The following TMEM132D variants were observed in gnomAD, a reference collection of about 807,000 sequenced individuals.
TMEM132D encodes transmembrane protein 132D.
A neutral mutation model predicts 62.3 loss-of-function variants in TMEM132D; 21 were observed. The ratio of observed to expected loss-of-function variants is 0.34; its 90% CI spans 0.24 to 0.49. The LOEUF is 0.49. Ranked by LOEUF, TMEM132D falls within the 20% of genes least tolerant of loss-of-function variation. TMEM132D has a pLI of 0.99. For missense variants in TMEM132D, 1,346 were observed against 1,402.8 expected (o/e 0.96, Z 0.65); for synonymous variants, 621 against 575.6 (o/e 1.08, Z -1.13).
intron 1 of TMEM132D, among the ~76,000 whole-genome samples, chr12:129,797,830 G>T (rs1360903361): frequency 6.6e-6 from 1 of 150,824 alleles, no homozygotes; most frequent in Non-Finnish European, 1.5e-5. Flanking sequence ...TGAAGCTGGA[G>T]ACAGGAGATT....
chr12:129,482,768 C>CT (rs68150613), intron 3 of TMEM132D, among the ~76,000 whole-genome samples: 2,497 of 146,914 alleles, frequency 0.017, 64 homozygotes, highest in African/African-American at 0.054. Flanking sequence ...AATACAACAT[C>CT]TTTTTTTTTT....
chr12:129,373,027 C>G (rs1251671446), intron 3 of TMEM132D, among the ~76,000 whole-genome samples: 1 of 151,962 alleles, frequency 6.6e-6, no homozygotes, highest in Admixed American at 6.6e-5. Context: ...ACCCAGGAAC[C>G]CACTTGTTGT....
At chr12:129,466,222 C>T (rs1301011257) in intron 3 of TMEM132D, among the ~76,000 whole-genome samples, 1 of 149,186 alleles carries the variant, frequency 6.7e-6, no homozygotes, top group East Asian at 2.0e-4. Context: ...TCATGCAGGT[C>T]ACTAGAAAGT....
chr12:129,902,935 T>G (rs1485233456), intron 1 of TMEM132D, among the ~76,000 whole-genome samples: 1 of 152,108 alleles, frequency 6.6e-6, no homozygotes, highest in Non-Finnish European at 1.5e-5. Context: ...GAGGCCACCT[T>G]TCCTCTCAAG....
intron 5 of TMEM132D, among the ~76,000 whole-genome samples, chr12:129,102,645 G>A (rs1219372884): frequency 1.3e-5 from 2 of 152,170 alleles, no homozygotes; most frequent in African/African-American, 4.8e-5. Flanking sequence ...CTGCTACCAG[G>A]TGTTGAATTT....
At chr12:129,128,587 G>T (rs2135523786) in intron 5 of TMEM132D, among the ~76,000 whole-genome samples, 1 of 152,326 alleles carries the variant, frequency 6.6e-6, no homozygotes, top group Middle Eastern at 3.4e-3. Flanking sequence ...TACAATTCAA[G>T]ATGAGATTTA....
intron 4 of TMEM132D, among the ~76,000 whole-genome samples, chr12:129,258,816 C>T (rs1413709645): frequency 2.0e-5 from 3 of 152,152 alleles, no homozygotes; most frequent in Admixed American, 1.3e-4. Context: ...ACAAATAAAT[C>T]TGCTAGATGA....
At chr12:129,425,454 C>T (rs1372055220) in intron 3 of TMEM132D, among the ~76,000 whole-genome samples, 1 of 149,368 alleles carries the variant, frequency 6.7e-6, no homozygotes, top group East Asian at 2.0e-4. Context: ...ATAGTAGAAA[C>T]ATTTACAGTC....
At chr12:129,771,017 C>A (rs1250877871) in intron 1 of TMEM132D, among the ~76,000 whole-genome samples, 2 of 152,188 alleles carry the variant, frequency 1.3e-5, no homozygotes, top group African/African-American at 2.4e-5. Flanking sequence ...GAGGACATGA[C>A]CCCTTCTTGC....
intron 1 of TMEM132D, among the ~76,000 whole-genome samples, chr12:129,731,335 AGTATCTCAG>A (rs751496011): frequency 1.3e-5 from 2 of 152,156 alleles, no homozygotes; most frequent in Non-Finnish European, 1.5e-5. Flanking sequence ...AAAAATGCAT[AGTATCTCAG>A]GTATCTCAAA....
intron 3 of TMEM132D, among the ~76,000 whole-genome samples, chr12:129,387,179 AC>A (rs1407175275): frequency 1.3e-5 from 2 of 151,096 alleles, no homozygotes; most frequent in African/African-American, 4.9e-5. Context: ...CAACACTGAC[AC>A]TAACTCCAAC....
intron 1 of TMEM132D, among the ~76,000 whole-genome samples, chr12:129,891,807 A>G (rs1874932896): frequency 6.6e-6 from 1 of 152,244 alleles, no homozygotes; most frequent in South Asian, 2.1e-4. Flanking sequence ...GGAAATACTT[A>G]TGTAAACACA....
chr12:129,766,185 C>T (rs1870549533), intron 1 of TMEM132D, among the ~76,000 whole-genome samples: 1 of 152,170 alleles, frequency 6.6e-6, no homozygotes, highest in South Asian at 2.1e-4. Flanking sequence ...AAGCTCCCTG[C>T]TGACCCATGA....
chr12:129,316,944 T>C (rs1868507538), intron 4 of TMEM132D, among the ~76,000 whole-genome samples: 1 of 152,166 alleles, frequency 6.6e-6, no homozygotes, highest in South Asian at 2.1e-4. Context: ...AAAGTTTGTT[T>C]TGTCTGTTAT....
At chr12:129,302,425 T>G (rs966654298) in intron 4 of TMEM132D, among the ~76,000 whole-genome samples, 21 of 152,336 alleles carry the variant, frequency 1.4e-4, no homozygotes, top group Admixed American at 6.5e-4. Context: ...TCTGCCACCT[T>G]TTCTATGGCA....
At chr12:129,368,086 C>A (rs1263481562) in intron 3 of TMEM132D, among the ~76,000 whole-genome samples, 2 of 152,120 alleles carry the variant, frequency 1.3e-5, no homozygotes, top group Non-Finnish European at 2.9e-5. Context: ...AGCCACAGAG[C>A]CTGGTCTCTT....
chr12:129,299,628 GT>G (rs11394064), intron 4 of TMEM132D, among the ~76,000 whole-genome samples: 431 of 136,942 alleles, frequency 3.1e-3, no homozygotes, highest in Middle Eastern at 0.011. Flanking sequence ...GAACAATCAG[GT>G]TTTTTTTTTT....
At chr12:129,229,092 A>G (rs1593303736) in intron 4 of TMEM132D, among the ~76,000 whole-genome samples, 1 of 152,322 alleles carries the variant, frequency 6.6e-6, no homozygotes, top group South Asian at 2.1e-4. Context: ...CTAGACGAGC[A>G]ACACACGTGT....
At chr12:129,305,541 C>A (rs77363439) in intron 4 of TMEM132D, among the ~76,000 whole-genome samples, 1 of 152,128 alleles carries the variant, frequency 6.6e-6, no homozygotes, top group East Asian at 1.9e-4. Flanking sequence ...AAAGAAGTGG[C>A]CTGTTATAAA....
Sources: gnomAD v4.1 joint callset for allele counts (sites outside exome capture counted in the v4.1 genomes callset) on GRCh38, gnomAD v4.1.1 for gene constraint, MANE v1.5 for transcripts, NCBI Gene and HGNC (gene_info 2026-07-23, HGNC 2026-07-21) for gene names.